The following PSMB1 variants were observed in gnomAD, a reference collection of about 807,000 sequenced individuals.
PSMB1 encodes proteasome subunit beta type-1.
Under a neutral mutation model 25.4 loss-of-function variants are expected in PSMB1, and 7 were observed. The observed-to-expected ratio is 0.28, with a 90% CI of 0.16 to 0.52. The LOEUF (loss-of-function observed/expected upper bound fraction) is 0.52. Among genes scored for constraint, PSMB1 ranks in the 20% least tolerant of loss-of-function variants. The pLI, the probability that PSMB1 is intolerant of heterozygous loss-of-function variation, is 0.97. For synonymous variants in PSMB1, 119 were observed against 115.0 expected (o/e 1.03, Z -0.22); for missense variants, 284 against 302.2 (o/e 0.94, Z 0.45).
chr6:170,548,720 G>A (rs1778854470), intron 2 of PSMB1, among the ~76,000 whole-genome samples: 1 of 152,016 alleles, frequency 6.6e-6, no homozygotes, highest in African/African-American at 2.4e-5. Context: ...TTCTTTCTCT[G>A]GCCTTCCACC....
chr6:170,548,465 A>G (rs1055614650), intron 2 of PSMB1, among the ~76,000 whole-genome samples: 1 of 152,178 alleles, frequency 6.6e-6, no homozygotes, highest in Non-Finnish European at 1.5e-5. Context: ...AGCTGTGGAC[A>G]TAATTGCTTA....
intron 5 of PSMB1, among the ~76,000 whole-genome samples, chr6:170,535,738 T>C (rs1778681856): frequency 1.3e-5 from 2 of 152,176 alleles, no homozygotes; most frequent in African/African-American, 2.4e-5. Context: ...CTAAGTCTCC[T>C]AGAAGAAGAC....
Position 170,544,942 on chromosome 6 carries a change from C to T in PSMB1, c.303+1161G>A, listed in dbSNP as rs569271249. 3.9e-5 allele frequency among the ~76,000 whole-genome samples: 6 copies of T among 152,046 alleles called. No homozygotes were observed. The South Asian group carries it at 1.0e-3, about 26-fold the overall frequency. ...GGTGGATCACCTGAAGTCAGGGGTT[C>T]GAGACCAGCCTGGCCAACATGGTGA... On this transcript the variant is annotated intron_variant, in intron 3 of 5. Coordinates refer to ENST00000262193, the MANE Select transcript of PSMB1 (RefSeq NM_002793.4).
At chr6:170,542,641 C>G (rs1348125590) in intron 4 of PSMB1, among the ~76,000 whole-genome samples, 1 of 152,212 alleles carries the variant, frequency 6.6e-6, no homozygotes, top group Non-Finnish European at 1.5e-5. Context: ...TTCCTGCTGT[C>G]TGCTGAGAGG....
chr6:170,549,816 G>T (rs1442044234), intron 1 of PSMB1: 1 of 152,208 alleles, frequency 6.6e-6, no homozygotes, highest in Non-Finnish European at 1.5e-5. Context: ...TCATTAGGGT[G>T]TTCAAAGGAT....
chr6:170,536,432 T>C, intron 5 of PSMB1: 2 of 456,502 alleles, frequency 4.4e-6, no homozygotes, highest in Non-Finnish European at 8.8e-6. Flanking sequence ...CTATTAGTGA[T>C]GCTGGAACTG....
chr6:170,553,101 T>C (rs1271592324), intron 1 of PSMB1, 29 bp downstream of exon 1: 1 of 1,557,422 alleles, frequency 6.4e-7, no homozygotes, highest in African/African-American at 1.4e-5. Flanking sequence ...AGGGCGAAAG[T>C]GAAAGCCGCA....
At chr6:170,547,881 C>CACAAAA (rs1554244178) in intron 2 of PSMB1, among the ~76,000 whole-genome samples, 1 of 112,960 alleles carries the variant, frequency 8.9e-6, no homozygotes, top group Non-Finnish European at 1.9e-5. Context: ...ACGTGTTTCA[C>CACAAAA]AAAAAAAAAA....
In PSMB1 at chr6:170,549,054, C is replaced by T. The variant is rs771969781; in HGVS notation, c.173G>A (p.Ser58Asn). The T allele has an allele frequency of 6.2e-6, 10 of 1,613,772 alleles. No individual in the cohort carries two copies. The highest frequency in any genetic ancestry group is 1.6e-4 in the Middle Eastern group (1 of 6,084). The change falls in exon 2 of 6, where the codon AGT becomes AAT. Residue 58 changes from serine (S) to asparagine (N), a missense_variant. Coordinates refer to ENST00000262193, the MANE Select transcript of PSMB1 (RefSeq NM_002793.4). ...FAIVASDTRL[S>N]EGFSIHTRDS... ...CCGCGTATGAATTGAAAACCCTTCACTCAATCGAGTATCAGAAGCAACAAT... is the reference window on the plus strand; with the variant it reads ...CCGCGTATGAATTGAAAACCCTTCATTCAATCGAGTATCAGAAGCAACAAT...
intron 3 of PSMB1, among the ~76,000 whole-genome samples, chr6:170,544,421 A>T (rs1778791926): frequency 6.6e-6 from 1 of 152,208 alleles, no homozygotes. Context: ...CAATACAGTG[A>T]CTGCAAATCC....
chr6:170,550,172 A>G (rs1778873304), intron 1 of PSMB1: 1 of 152,228 alleles, frequency 6.6e-6, no homozygotes, highest in South Asian at 2.1e-4. Flanking sequence ...TTAAGCCACT[A>G]TTTTTACTGA....
intron 4 of PSMB1, among the ~76,000 whole-genome samples, chr6:170,539,590 A>C (rs1038238549): frequency 1.2e-4 from 19 of 152,230 alleles, no homozygotes; most frequent in African/African-American, 4.1e-4. Flanking sequence ...AGGCAAAAAG[A>C]TGTTTCAAAA....
At chr6:170,537,053 C>G (rs777069618) in intron 5 of PSMB1, among the ~76,000 whole-genome samples, 181 bp downstream of exon 5, 2 of 152,182 alleles carry the variant, frequency 1.3e-5, no homozygotes, top group Non-Finnish European at 2.9e-5. Flanking sequence ...AGGCAGAACA[C>G]AGAGAGAGAC....
At chr6:170,541,095 G>C (rs977569245) in intron 4 of PSMB1, among the ~76,000 whole-genome samples, 1 of 152,094 alleles carries the variant, frequency 6.6e-6, no homozygotes, top group African/African-American at 2.4e-5. Context: ...AAATCTTTTA[G>C]GAGGTAAGCC....
intron 4 of PSMB1, among the ~76,000 whole-genome samples, chr6:170,538,299 A>C (rs908635415): frequency 6.6e-6 from 1 of 152,238 alleles, no homozygotes; most frequent in Non-Finnish European, 1.5e-5. Flanking sequence ...TTTAGAAAAC[A>C]CATTATATAC....
intron 4 of PSMB1, among the ~76,000 whole-genome samples, chr6:170,542,674 T>C (rs954778393): frequency 6.6e-6 from 1 of 152,196 alleles, no homozygotes; most frequent in African/African-American, 2.4e-5. Context: ...CTAAATGCTT[T>C]TGACTGATTA....
chr6:170,551,878 T>C (rs1340743390), intron 1 of PSMB1, among the ~76,000 whole-genome samples: 1 of 152,150 alleles, frequency 6.6e-6, no homozygotes, highest in East Asian at 1.9e-4. Context: ...AAAATGCATC[T>C]CTCTTGATTC....
chr6:170,553,082 G>C lies in PSMB1; in HGVS notation c.113+48C>G, dbSNP rs368386910. On this transcript the variant is annotated intron_variant, in intron 1 of 5. Transcript: ENST00000262193. ...GGTGACTCCTAAATAGGCTTCAGCAGATGGGGGAAGGGCGAAAGTGAAAGC... is the reference window on the plus strand; with the variant it reads ...GGTGACTCCTAAATAGGCTTCAGCACATGGGGGAAGGGCGAAAGTGAAAGC... The C allele has an allele frequency of 5.0e-5, 75 of 1,499,482 alleles. No individual in the cohort carries two copies. In the African/African-American group the frequency reaches 8.3e-4, roughly 17 times the overall value. The allele number at this position is 1,499,482 out of a possible 1,614,324, so 92.9% of individuals were successfully genotyped here.
chr6:170,551,628 G>A (rs12207235), intron 1 of PSMB1, among the ~76,000 whole-genome samples: 9,549 of 152,144 alleles, frequency 0.063, 379 homozygotes, highest in African/African-American at 0.098. Context: ...CTTACGAAAC[G>A]GGTCCAATAA....
Sources: gnomAD v4.1 joint callset for allele counts (sites outside exome capture counted in the v4.1 genomes callset) on GRCh38, gnomAD v4.1.1 for gene constraint, MANE v1.5 for transcripts, NCBI Gene and HGNC (gene_info 2026-07-23, HGNC 2026-07-21) for gene names.